Variants in CAST observed in about 807,000 individuals in gnomAD.
CAST encodes the protein MIR583 host.
A neutral mutation model predicts 119.6 loss-of-function variants in CAST; 76 were observed. The ratio of observed to expected loss-of-function variants is 0.64; its 90% CI spans 0.53 to 0.77. CAST has a LOEUF of 0.77. Among genes scored for constraint, CAST ranks in the 30% least tolerant of loss-of-function variants. CAST has a pLI of 0.00. For missense variants in CAST, 953 were observed against 946.5 expected, an observed-to-expected ratio of 1.01 and a Z score of -0.09; for synonymous variants, 319 against 331.6, an observed-to-expected ratio of 0.96 and a Z score of 0.41.
chr5:96,570,443 A>G (rs1746548907), intron 1 of CAST, among the ~76,000 whole-genome samples: 1 of 152,164 alleles, frequency 6.6e-6, no homozygotes, highest in Non-Finnish European at 1.5e-5. Context: ...ATTAGTGTAC[A>G]TTAGAATAGC....
chr5:96,432,963 G>A, the CAST span: 89 of 1,614,210 alleles, frequency 5.5e-5, no homozygotes, highest in Non-Finnish European at 6.9e-5. Context: ...TTGCCTTTTC[G>A]CTTTTGCACT....
the CAST span, among the ~76,000 whole-genome samples, chr5:96,288,876 T>C: frequency 2.0e-5 from 3 of 152,040 alleles, no homozygotes; most frequent in African/African-American, 4.8e-5. Context: ...TGAGGAAATA[T>C]GGTAGTTGAA....
the CAST span, among the ~76,000 whole-genome samples, chr5:96,207,005 A>T: frequency 2.6e-5 from 4 of 151,824 alleles, no homozygotes; most frequent in East Asian, 7.7e-4. Flanking sequence ...TAGTTCTTGT[A>T]GAGATCTTTC....
chr5:96,377,445 C>T, the CAST span, among the ~76,000 whole-genome samples: 800 of 152,198 alleles, frequency 5.3e-3, 7 homozygotes, highest in African/African-American at 0.019. Context: ...TTTTATACTG[C>T]ATTTTAACCA....
intron 9 of CAST, among the ~76,000 whole-genome samples, chr5:96,731,748 C>T (rs371117701): frequency 0.076 from 10,853 of 143,280 alleles, 647 homozygotes; most frequent in East Asian, 0.2. Context: ...TGAGAATATG[C>T]GGTGTTTGGT....
chr5:96,253,783 T>G, the CAST span, among the ~76,000 whole-genome samples: 2 of 152,132 alleles, frequency 1.3e-5, no homozygotes, highest in African/African-American at 4.8e-5. Context: ...CCCAGTTGAA[T>G]GTATTTGAAA....
At chr5:96,335,403 A>G in the CAST span, among the ~76,000 whole-genome samples, 2 of 152,104 alleles carry the variant, frequency 1.3e-5, no homozygotes, top group African/African-American at 4.8e-5. Flanking sequence ...GCTTGTGTGC[A>G]CCACTCACTC....
chr5:96,237,376 G>T, the CAST span, among the ~76,000 whole-genome samples: 3 of 152,186 alleles, frequency 2.0e-5, no homozygotes, highest in South Asian at 6.2e-4. Context: ...AGCCTTTTTT[G>T]GGGGGAGTAG....
the CAST span, among the ~76,000 whole-genome samples, chr5:96,018,511 C>G: frequency 6.6e-6 from 1 of 152,150 alleles, no homozygotes; most frequent in East Asian, 1.9e-4. Context: ...GGCATTTGAC[C>G]TCTGGAAATT....
the CAST span, among the ~76,000 whole-genome samples, chr5:96,055,354 G>C: frequency 6.6e-6 from 1 of 152,104 alleles, no homozygotes; most frequent in Non-Finnish European, 1.5e-5. Context: ...CAGCTGCTAT[G>C]GCTAGCATTT....
chr5:96,144,672 ATT>A, the CAST span, among the ~76,000 whole-genome samples: 133 of 141,150 alleles, frequency 9.4e-4, no homozygotes, highest in Admixed American at 9.2e-4. Context: ...CCCAGACACC[ATT>A]TTTTTTTTTT....
chr5:96,432,208 G>C, the CAST span: 1 of 1,275,192 alleles, frequency 7.8e-7, no homozygotes, highest in Non-Finnish European at 1.1e-6. Context: ...TGAAAAGCCG[G>C]AGCTCCCTAG....
At chr5:96,581,184 C>A (rs1746764441) in intron 1 of CAST, among the ~76,000 whole-genome samples, 1 of 152,186 alleles carries the variant, frequency 6.6e-6, no homozygotes, top group African/African-American at 2.4e-5. Flanking sequence ...GCTAAGAATT[C>A]TTTCAAATTT....
chr5:95,985,821 G>A, the CAST span, among the ~76,000 whole-genome samples: 4 of 152,144 alleles, frequency 2.6e-5, no homozygotes, highest in Non-Finnish European at 5.9e-5. Context: ...ACTGGCCTAG[G>A]GGTTGGGAAA....
At chr5:96,301,604 A>G in the CAST span, among the ~76,000 whole-genome samples, 2 of 152,216 alleles carry the variant, frequency 1.3e-5, no homozygotes, top group African/African-American at 2.4e-5. Flanking sequence ...AAATACACCC[A>G]TTACAAGAGG....
At chr5:96,343,185 T>G in the CAST span, among the ~76,000 whole-genome samples, 1 of 152,058 alleles carries the variant, frequency 6.6e-6, no homozygotes, top group Non-Finnish European at 1.5e-5. Context: ...AAAAAACACA[T>G]TTACAGATTT....
chr5:96,207,506 A>G, the CAST span, among the ~76,000 whole-genome samples: 3 of 152,116 alleles, frequency 2.0e-5, no homozygotes, highest in African/African-American at 7.2e-5. Flanking sequence ...AGTTTTTAAC[A>G]TGAAGGGATG....
At chr5:96,503,402 T>TG in the CAST span, among the ~76,000 whole-genome samples, 1 of 152,162 alleles carries the variant, frequency 6.6e-6, no homozygotes, top group East Asian at 1.9e-4. Context: ...GCCTTAAACC[T>TG]CCCTTTTTTC....
At chr5:96,285,918 T>G in the CAST span, among the ~76,000 whole-genome samples, 1 of 152,246 alleles carries the variant, frequency 6.6e-6, no homozygotes, top group Non-Finnish European at 1.5e-5. Context: ...TTTATGAATG[T>G]GCCTCTAAAT....
Sources: gnomAD v4.1 joint callset for allele counts (sites outside exome capture counted in the v4.1 genomes callset) on GRCh38, gnomAD v4.1.1 for gene constraint, MANE v1.5 for transcripts, NCBI Gene and HGNC (gene_info 2026-07-23, HGNC 2026-07-21) for gene names.